EXOC4: variants seen among roughly 807,000 people sequenced by gnomAD.
The protein encoded by EXOC4 is SEC8-like 1.
EXOC4 carries 71 observed loss-of-function variants against 107.2 expected under a neutral mutation model. That is an observed-to-expected ratio of 0.66 (90% CI 0.55 to 0.81). The LOEUF (loss-of-function observed/expected upper bound fraction) is 0.81, where lower values mean the gene tolerates loss of function less well. EXOC4 is among the 30% of genes least tolerant of loss of function. The probability of loss-of-function intolerance (pLI) is 0.00; values close to 1 mark genes in which losing one functional copy is unlikely to be tolerated. For synonymous variants in EXOC4, 456 were observed against 441.2 expected (o/e 1.03, Z -0.42); for missense variants, 1,108 against 1,189.6 (o/e 0.93, Z 1.01).
At chr7:133,506,254 G>A (rs4731959) in intron 9 of EXOC4, among the ~76,000 whole-genome samples, 129,026 of 152,108 alleles carry the variant, frequency 0.85, 55,088 homozygotes, top group East Asian at 0.95. Context: ...AAATGTACTC[G>A]TGTATGTAAT....
intron 1 of EXOC4, among the ~76,000 whole-genome samples, chr7:133,256,263 G>T (rs996034651): frequency 6.6e-6 from 1 of 152,220 alleles, no homozygotes; most frequent in Non-Finnish European, 1.5e-5. Flanking sequence ...TTACAGGCGT[G>T]AGCCACCGCG....
intron 11 of EXOC4, among the ~76,000 whole-genome samples, chr7:133,874,885 C>G (rs1798818021): frequency 6.6e-6 from 1 of 152,194 alleles, no homozygotes; most frequent in East Asian, 1.9e-4. Context: ...TAAAGGTTCT[C>G]CTCTGTGAAT....
chr7:133,263,727 A>G (rs1328588991), intron 1 of EXOC4, among the ~76,000 whole-genome samples: 2 of 152,072 alleles, frequency 1.3e-5, no homozygotes, highest in Non-Finnish European at 2.9e-5. Flanking sequence ...TTCCATAAAA[A>G]TTTATATGTG....
At chr7:133,663,085 A>T (rs1257865465) in intron 10 of EXOC4, among the ~76,000 whole-genome samples, 1 of 152,098 alleles carries the variant, frequency 6.6e-6, no homozygotes, top group African/African-American at 2.4e-5. Flanking sequence ...TTTCCTGCTG[A>T]TCAGAACAAA....
intron 7 of EXOC4, among the ~76,000 whole-genome samples, chr7:133,427,082 T>G (rs1325856425): frequency 6.6e-6 from 1 of 152,210 alleles, no homozygotes; most frequent in Non-Finnish European, 1.5e-5. Context: ...TTTTGAGGTA[T>G]ATCAAAGGTG....
chr7:133,994,444 C>T (rs11977872), intron 14 of EXOC4, among the ~76,000 whole-genome samples: 2,144 of 152,194 alleles, frequency 0.014, 56 homozygotes, highest in African/African-American at 0.048. Flanking sequence ...GTGCAGCAAA[C>T]CACAATGGCG....
At chr7:133,797,961 AAG>A (rs1796851677) in intron 10 of EXOC4, among the ~76,000 whole-genome samples, 1 of 152,168 alleles carries the variant, frequency 6.6e-6, no homozygotes, top group African/African-American at 2.4e-5. Context: ...TAAAGAAAAA[AAG>A]AGGCAGTGAA....
At chr7:133,579,371 A>T (rs1801200258) in intron 9 of EXOC4, among the ~76,000 whole-genome samples, 1 of 152,200 alleles carries the variant, frequency 6.6e-6, no homozygotes, top group African/African-American at 2.4e-5. Context: ...TCTTGTATAG[A>T]CTAAAACAGG....
chr7:134,093,534 A>G, the EXOC4 span, among the ~76,000 whole-genome samples: 1 of 152,142 alleles, frequency 6.6e-6, no homozygotes, highest in Non-Finnish European at 1.5e-5. Context: ...AAAACTAACA[A>G]AGAAATCCTG....
At chr7:133,842,539 G>C (rs750385717) in intron 11 of EXOC4, among the ~76,000 whole-genome samples, 4 of 152,202 alleles carry the variant, frequency 2.6e-5, no homozygotes, top group Non-Finnish European at 5.9e-5. Context: ...ATAGATGCTA[G>C]ATATTAGACC....
intron 14 of EXOC4, among the ~76,000 whole-genome samples, chr7:133,961,254 T>C (rs886489276): frequency 2.8e-5 from 4 of 144,850 alleles, no homozygotes; most frequent in Non-Finnish European, 3.0e-5. Flanking sequence ...CTGACACTTA[T>C]TTAAACCAAT....
chr7:133,701,168 G>C (rs9649595), intron 10 of EXOC4, among the ~76,000 whole-genome samples: 75,314 of 151,888 alleles, frequency 0.5, 19,418 homozygotes, highest in African/African-American at 0.63. Flanking sequence ...TTTATCCATA[G>C]ATAATTAAAA....
At chr7:133,426,746 A>G (rs1178242497) in intron 7 of EXOC4, among the ~76,000 whole-genome samples, 1 of 152,260 alleles carries the variant, frequency 6.6e-6, no homozygotes. Flanking sequence ...GGTTGTCATC[A>G]CCAACATCAT....
intron 9 of EXOC4, among the ~76,000 whole-genome samples, chr7:133,621,720 C>T (rs140908124): frequency 3.2e-4 from 48 of 152,272 alleles, no homozygotes; most frequent in African/African-American, 1.0e-3. Flanking sequence ...TTGGAATTTC[C>T]CTTATTTCCT....
intron 9 of EXOC4, among the ~76,000 whole-genome samples, chr7:133,505,394 T>C (rs1799648478): frequency 6.6e-6 from 1 of 152,192 alleles, no homozygotes. Context: ...TTTAATAGTC[T>C]GCTCTTGTCT....
intron 6 of EXOC4, among the ~76,000 whole-genome samples, chr7:133,369,426 C>G (rs1252807274): frequency 6.6e-6 from 1 of 152,168 alleles, no homozygotes; most frequent in Non-Finnish European, 1.5e-5. Context: ...CCCTTCTTGT[C>G]AAGGTCACTG....
At chr7:133,477,306 C>T (rs1799040224) in intron 8 of EXOC4, among the ~76,000 whole-genome samples, 1 of 152,184 alleles carries the variant, frequency 6.6e-6, no homozygotes, top group African/African-American at 2.4e-5. Flanking sequence ...CCATTCACCA[C>T]ATATTCATCC....
rs1351051791 is a variant in EXOC4, at chr7:133,835,340, G to A, written c.1734+17796G>A. Among the ~76,000 whole-genome samples the A allele has an allele frequency of 2.0e-5, 3 of 152,182 alleles. No homozygotes were observed. The East Asian group carries it at 5.8e-4, about 29-fold the overall frequency. On this transcript the variant is annotated intron_variant, in intron 11 of 17. Transcript: ENST00000253861. ...ATGTGCCCAAGGTGGTCGGGGTGCA[G>A]CCTTGTTTTATACATTAAGGACACA...
chr7:133,539,247 C>G (rs1800335409), intron 9 of EXOC4, among the ~76,000 whole-genome samples: 1 of 152,012 alleles, frequency 6.6e-6, no homozygotes, highest in Non-Finnish European at 1.5e-5. Context: ...TTCTTTCTGT[C>G]CTACTTAAGC....
Sources: allele counts gnomAD v4.1 joint callset (sites outside exome capture counted in the v4.1 genomes callset), GRCh38; gene constraint gnomAD v4.1.1; transcripts MANE v1.5; gene names NCBI Gene and HGNC (gene_info 2026-07-23, HGNC 2026-07-21).